The following MAP4K5 variants were observed in gnomAD, a reference collection of about 807,000 sequenced individuals.
The protein encoded by MAP4K5 is mitogen-activated protein kinase kinase kinase kinase 5, also known as MAPK/ERK kinase kinase kinase 5.
Under a neutral mutation model 135.6 loss-of-function variants are expected in MAP4K5, and 82 were observed. That is an observed-to-expected ratio of 0.60 (90% CI 0.51 to 0.73). The LOEUF is 0.73. Among genes scored for constraint, MAP4K5 ranks in the 30% least tolerant of loss-of-function variants. The pLI is 0.00. For synonymous variants in MAP4K5, 347 were observed against 335.0 expected, an observed-to-expected ratio of 1.04 and a Z score of -0.39; for missense variants, 907 against 1,010.9, an observed-to-expected ratio of 0.90 and a Z score of 1.39.
chr14:50,424,311 C>A (rs2035796776), intron 31 of MAP4K5, among the ~76,000 whole-genome samples: 1 of 152,044 alleles, frequency 6.6e-6, no homozygotes. Context: ...ATGTTCTAAT[C>A]ATTGTGCCTG....
At chr14:50,543,065 C>T (rs1051059822) in intron 1 of MAP4K5, among the ~76,000 whole-genome samples, 1 of 152,236 alleles carries the variant, frequency 6.6e-6, no homozygotes, top group African/African-American at 2.4e-5. Context: ...CAGCAGAGGG[C>T]ATCCATCTCG....
chr14:50,523,682 C>T (rs3783409), intron 2 of MAP4K5, among the ~76,000 whole-genome samples: 8,167 of 152,176 alleles, frequency 0.054, 194 homozygotes, highest in Middle Eastern at 0.071. Context: ...CTCCTTGTAA[C>T]GTATTATACA....
chr14:50,440,311 T>G, intron 22 of MAP4K5, 51 bp downstream of exon 22: 1 of 1,210,428 alleles, frequency 8.3e-7, no homozygotes, highest in Non-Finnish European at 1.2e-6. Context: ...TTAAGACACT[T>G]CTTTATTCAA....
Position 50,485,578 on chromosome 14 carries a change from C to G in MAP4K5, c.322G>C (p.Val108Leu). 6.5e-7 allele frequency: 1 copy of G among 1,530,126 alleles called. No homozygotes were observed. Among genetic ancestry groups the G allele is most frequent in the Non-Finnish European group, 8.9e-7 (1 of 1,127,436 alleles). 94.8% of individuals were successfully genotyped at this position (1,530,126 alleles called of 1,614,324 possible). A position where few individuals can be genotyped will look rare whatever the true frequency, so the allele number is the denominator to read the frequency against. The change falls in exon 5 of 33, where the codon GTT becomes CTT. Residue 108 changes from valine to leucine, a missense_variant and splice_region_variant. By Grantham distance (32) the Val-to-Leu change is conservative. This residue lies in a region of MAP4K5 where 196 missense variants were observed against 189.3 expected (regional missense o/e 1.04). Coordinates refer to ENST00000682126, the MANE Select transcript of MAP4K5 (RefSeq NM_006575.6). Reference protein sequence around the residue: ...GGGSLQDIYHVTGPLSELQIA... With the variant: ...GGGSLQDIYHLTGPLSELQIA... ...AAATGTAAAGTCAAATTAACAGTAC[C>G]ATGGTAAATATCTTGAAGTGATCCG...
chr14:50,440,135 A>G (rs1242925799), intron 22 of MAP4K5, 62 bp from the exon 23 acceptor site: 2 of 1,063,210 alleles, frequency 1.9e-6, no homozygotes, highest in African/African-American at 1.6e-5. Flanking sequence ...TTAAATTCCA[A>G]CATTCTGAAA....
intron 6 of MAP4K5, among the ~76,000 whole-genome samples, chr14:50,480,748 G>A (rs150140816): frequency 6.6e-6 from 1 of 152,174 alleles, no homozygotes; most frequent in African/African-American, 2.4e-5. Context: ...AACATGGATG[G>A]TATATACACA....
At chr14:50,525,000 C>T (rs2140104157) in intron 2 of MAP4K5, among the ~76,000 whole-genome samples, 1 of 152,250 alleles carries the variant, frequency 6.6e-6, no homozygotes, top group East Asian at 1.9e-4. Flanking sequence ...TGTTTCTTCT[C>T]AGACACCTTC....
chr14:50,520,983 C>A (rs2038139164), intron 2 of MAP4K5, among the ~76,000 whole-genome samples: 1 of 152,060 alleles, frequency 6.6e-6, no homozygotes, highest in African/African-American at 2.4e-5. Context: ...CCACCACACC[C>A]AGCTAATTTT....
rs1240431222 is a variant in MAP4K5 at position 50,482,215 on chromosome 14, AC to A, written c.378+145del. The A allele has an allele frequency of 7.7e-6, 4 of 519,250 alleles. No homozygotes were observed. The African/African-American group carries it at 8.1e-5, about 11-fold the overall frequency. The allele number at this position is 519,250 out of a possible 1,614,324, so 32.2% of individuals were successfully genotyped here. A position where few individuals can be genotyped will look rare whatever the true frequency, so the allele number is the denominator to read the frequency against. On this transcript the variant is annotated intron_variant, in intron 6 of 32. Transcript: ENST00000682126. ...AGTTTTACAGAATTATAAGAGATTA[AC>A]AGAAAAATCATTTTGTTTTACCCTT...
At chr14:50,421,704 GAT>G (rs1295306712) in intron 32 of MAP4K5, among the ~76,000 whole-genome samples, 1 of 151,914 alleles carries the variant, frequency 6.6e-6, no homozygotes, top group African/African-American at 2.4e-5. Context: ...AGCAAATAGT[GAT>G]AGAGTGGACA....
At chr14:50,522,606 A>G (rs2038174639) in intron 2 of MAP4K5, among the ~76,000 whole-genome samples, 1 of 152,180 alleles carries the variant, frequency 6.6e-6, no homozygotes, top group Non-Finnish European at 1.5e-5. Flanking sequence ...AATAAGAAAT[A>G]TAATTTAAAG....
upstream of MAP4K5, among the ~76,000 whole-genome samples, chr14:50,534,107 T>C (rs1404980973): frequency 6.6e-6 from 1 of 152,260 alleles, no homozygotes; most frequent in Non-Finnish European, 1.5e-5. Flanking sequence ...TTGTTTACTG[T>C]CATAGATTCA....
intron 1 of MAP4K5, 110 bp from the exon 2 acceptor site, chr14:50,532,268 G>C (rs1191562234): frequency 1.8e-5 from 9 of 488,650 alleles, no homozygotes; most frequent in South Asian, 1.8e-4. Context: ...GGCCGTGGAA[G>C]AGAAAGGGGC....
intron 31 of MAP4K5, among the ~76,000 whole-genome samples, 191 bp downstream of exon 31, chr14:50,425,716 G>A (rs747405503): frequency 6.6e-6 from 1 of 152,184 alleles, no homozygotes; most frequent in Non-Finnish European, 1.5e-5. Context: ...GGTGGCCACT[G>A]AGAATTTTGA....
chr14:50,436,501 A>C lies in MAP4K5; in HGVS notation c.1882+975T>G, dbSNP rs746907983. On this transcript the variant is annotated intron_variant, in intron 26 of 32. Transcript: ENST00000682126. Reference sequence around the variant, plus strand: ...GCTTTGGGTCATGTAACATCAGATGACCTTTAGTGGGGCTGCATACTGAGA... The same window carrying C: ...GCTTTGGGTCATGTAACATCAGATGCCCTTTAGTGGGGCTGCATACTGAGA... Among the ~76,000 whole-genome samples the C allele has an allele frequency of 1.1e-3, 167 of 151,410 alleles. 1 individual carries two copies. The highest frequency in any genetic ancestry group is 1.8e-3 in the Admixed American group (27 of 15,170).
chr14:50,534,636 A>G (rs2038469932), upstream of MAP4K5, among the ~76,000 whole-genome samples: 1 of 152,272 alleles, frequency 6.6e-6, no homozygotes, highest in South Asian at 2.1e-4. Flanking sequence ...TGCTTTGACC[A>G]TCAACCTAGA....
At chr14:50,493,991 A>AAAAAAC (rs1211016855) in intron 3 of MAP4K5, among the ~76,000 whole-genome samples, 2 of 151,788 alleles carry the variant, frequency 1.3e-5, no homozygotes, top group South Asian at 2.1e-4. Flanking sequence ...CCATCGCAAA[A>AAAAAAC]AAAAACAAAA....
At position 50,440,036 on chromosome 14, in the gene MAP4K5, T is replaced by G; in HGVS notation, c.1682A>C (p.Asn561Thr). Reference protein sequence around the residue: ...PRKCTWLYVINNTLMSLSEGK... With the variant: ...PRKCTWLYVITNTLMSLSEGK... ...ACCTGATAATGACATTAAAGTATTA[T>G]TGATAACATACAGCCAAGTACACTT... Residue 561 changes from asparagine to threonine, a missense_variant, in exon 23 of 33, where the codon AAT becomes ACT. Around this residue, in one of 3 missense-constraint regions of MAP4K5, gnomAD observed 690 missense variants for 777.4 expected, o/e 0.89. Transcript: ENST00000682126. 6.4e-7 allele frequency: 1 copy of G among 1,555,420 alleles called. No homozygotes were observed. Among genetic ancestry groups the G allele is most frequent in the Non-Finnish European group, 8.8e-7 (1 of 1,138,674 alleles).
intron 1 of MAP4K5, chr14:50,560,393 A>G (rs2038822422): frequency 1.3e-6 from 2 of 1,496,886 alleles, no homozygotes; most frequent in Non-Finnish European, 9.1e-7. Context: ...AAGGGCTGCT[A>G]GGTGCCTGCG....
Sources: allele counts gnomAD v4.1 joint callset (sites outside exome capture counted in the v4.1 genomes callset), GRCh38; gene constraint gnomAD v4.1.1; regional missense constraint gnomAD v4.1.1; transcripts MANE v1.5; gene names NCBI Gene and HGNC (gene_info 2026-07-23, HGNC 2026-07-21).